Variants in MYO10 observed in about 807,000 individuals in gnomAD.
The protein encoded by MYO10 is myosin X.
A neutral mutation model predicts 257.3 loss-of-function variants in MYO10; 133 were observed. The ratio of observed to expected loss-of-function variants is 0.52; its 90% CI spans 0.45 to 0.60. The LOEUF (loss-of-function observed/expected upper bound fraction) is 0.60, where lower values mean the gene tolerates loss of function less well. MYO10 is among the 20% of genes least tolerant of loss of function. The pLI, the probability that MYO10 is intolerant of heterozygous loss-of-function variation, is 0.00. For synonymous variants in MYO10, 1,104 were observed against 1,028.6 expected (o/e 1.07, Z -1.40); for missense variants, 2,399 against 2,635.7 (o/e 0.91, Z 1.97).
chr5:16,809,248 ATC>A (rs529579072), intron 3 of MYO10, among the ~76,000 whole-genome samples: 2 of 151,846 alleles, frequency 1.3e-5, no homozygotes, highest in Non-Finnish European at 2.9e-5. Context: ...CACTGCGTTC[ATC>A]TGTCCCAAGG....
At chr5:16,838,777 T>C (rs62369354) in intron 2 of MYO10, among the ~76,000 whole-genome samples, 2 of 152,176 alleles carry the variant, frequency 1.3e-5, no homozygotes, top group African/African-American at 4.8e-5. Flanking sequence ...TTAATGCAAA[T>C]GAGGACTTTA....
At chr5:16,741,334 G>A (rs772443974) in intron 19 of MYO10, among the ~76,000 whole-genome samples, 7 of 152,102 alleles carry the variant, frequency 4.6e-5, no homozygotes, top group Non-Finnish European at 1.0e-4. Context: ...CCATACTTGC[G>A]TATGAACAGG....
intron 1 of MYO10, among the ~76,000 whole-genome samples, chr5:16,903,376 T>C (rs1745439022): frequency 6.6e-6 from 1 of 152,124 alleles, no homozygotes. Context: ...GCCATTGCAC[T>C]CCAGCCTGGC....
At chr5:16,761,024 C>T (rs1335077476) in intron 17 of MYO10, among the ~76,000 whole-genome samples, 1 of 151,842 alleles carries the variant, frequency 6.6e-6, no homozygotes, top group Non-Finnish European at 1.5e-5. Flanking sequence ...GAGTTTCACT[C>T]TTGTCACCCA....
Position 16,822,710 on chromosome 5 carries a change from C to T in MYO10, c.121-4543G>A, listed in dbSNP as rs1439865660. Among the ~76,000 whole-genome samples, 6 of 143,550 alleles carry T rather than the reference C, an allele frequency of 4.2e-5. No individual in the cohort carries two copies. In the East Asian group the frequency reaches 6.1e-4, roughly 15 times the overall value. The allele number at this position is 143,550 out of a possible 152,430, so 94.2% of individuals were successfully genotyped here. The stretch of plus-strand genomic sequence containing the variant: ...TTTTTATTTTTTTTTTTTTTTGAGA[C>T]GGAGTCTCCCTCTGTCGCCCAGGCT... On this transcript the variant is annotated intron_variant, in intron 2 of 40. Transcript: ENST00000513610.
At chr5:16,819,169 A>C (rs999453886) in intron 2 of MYO10, among the ~76,000 whole-genome samples, 2 of 152,232 alleles carry the variant, frequency 1.3e-5, no homozygotes, top group Admixed American at 6.5e-5. Context: ...CTCTCTCGGC[A>C]GAACAAATGC....
At chr5:16,889,510 G>GGAAA (rs1744988196) in intron 1 of MYO10, among the ~76,000 whole-genome samples, 1 of 138,296 alleles carries the variant, frequency 7.2e-6, no homozygotes, top group Non-Finnish European at 1.5e-5. Context: ...AAGGAAGGAA[G>GGAAA]GAAGGAAGGA....
chr5:16,829,886 TACAC>T (rs138178405), intron 2 of MYO10, among the ~76,000 whole-genome samples: 9 of 150,874 alleles, frequency 6.0e-5, no homozygotes, highest in Non-Finnish European at 1.2e-4. Flanking sequence ...GAACGGCTAA[TACAC>T]ACACACACAC....
intron 4 of MYO10, among the ~76,000 whole-genome samples, chr5:16,790,645 C>T (rs988583499): frequency 4.6e-5 from 7 of 152,168 alleles, no homozygotes; most frequent in Non-Finnish European, 1.0e-4. Context: ...CCTTGCCTTC[C>T]ACCATGATTG....
chr5:16,815,580 G>A (rs944939248), intron 3 of MYO10: 16 of 634,862 alleles, frequency 2.5e-5, no homozygotes, highest in East Asian at 5.5e-5. Context: ...ACAACTACCA[G>A]GTGCCTGGCA....
intron 9 of MYO10, among the ~76,000 whole-genome samples, chr5:16,776,969 G>GA (rs1741231514): frequency 2.0e-5 from 3 of 151,694 alleles, no homozygotes; most frequent in African/African-American, 2.4e-5. Context: ...AATAAAATAG[G>GA]AAAAAAGCCA....
chr5:16,672,563 C>T, intron 37 of MYO10, 126 bp downstream of exon 37: 1 of 1,115,524 alleles, frequency 9.0e-7, no homozygotes, highest in Middle Eastern at 2.0e-4. Flanking sequence ...GGCATCAACA[C>T]AGGTAAAATA....
At chr5:16,901,621 A>T (rs1486805923) in intron 1 of MYO10, among the ~76,000 whole-genome samples, 1 of 152,198 alleles carries the variant, frequency 6.6e-6, no homozygotes, top group East Asian at 1.9e-4. Context: ...TACAGTTCCC[A>T]TTTATAGAAA....
At chr5:16,686,336 A>C (rs1425152290) in intron 28 of MYO10, among the ~76,000 whole-genome samples, 5 of 152,196 alleles carry the variant, frequency 3.3e-5, no homozygotes, top group Non-Finnish European at 7.3e-5. Context: ...CAAAATTCAA[A>C]ACTTTTTGAG....
chr5:16,818,410 G>GTATATATATATATATATA (rs1178796616), intron 2 of MYO10, among the ~76,000 whole-genome samples: 1 of 90,298 alleles, frequency 1.1e-5, no homozygotes, highest in Non-Finnish European at 2.3e-5. Context: ...GTGTGTGTGT[G>GTATATATATATATATATA]TATATATATA....
intron 11 of MYO10, 26 bp downstream of exon 11, chr5:16,766,054 A>T: frequency 6.5e-7 from 1 of 1,544,182 alleles, no homozygotes; most frequent in Non-Finnish European, 9.0e-7. Context: ...CTAGTAACGC[A>T]AGATCAGATG....
chr5:16,674,906 G>A lies in MYO10; in HGVS notation c.4911C>T (p.Cys1637=), dbSNP rs2126476546. ...YSWQILTCLS[C]TFLPSRGILK... Reference sequence around the variant, plus strand: ...GAATCCCTCGACTCGGCAGGAAGGTGCAGCTCAGGCATGTCAGGATCTGCC... The same window carrying A: ...GAATCCCTCGACTCGGCAGGAAGGTACAGCTCAGGCATGTCAGGATCTGCC... The change falls in exon 35 of 41, where the codon TGC becomes TGT. Residue 1637 remains cysteine (C), a synonymous_variant. Transcript: ENST00000513610. 4 of 1,614,024 alleles carry A rather than the reference G, an allele frequency of 2.5e-6. No individual in the cohort carries two copies. The highest frequency in any genetic ancestry group is 2.7e-5 in the African/African-American group (2 of 75,058).
intron 30 of MYO10, among the ~76,000 whole-genome samples, chr5:16,683,672 C>G (rs1737110241): frequency 6.6e-6 from 1 of 152,076 alleles, no homozygotes; most frequent in Non-Finnish European, 1.5e-5. Context: ...CCCCAGGACT[C>G]CAAAGATACC....
intron 21 of MYO10, among the ~76,000 whole-genome samples, chr5:16,705,481 T>C (rs1235522042): frequency 2.6e-5 from 4 of 152,256 alleles, no homozygotes; most frequent in African/African-American, 9.6e-5. Context: ...GGACCTTCTC[T>C]TGATAAAGTG....
Sources: allele counts gnomAD v4.1 joint callset (sites outside exome capture counted in the v4.1 genomes callset), GRCh38; gene constraint gnomAD v4.1.1; transcripts MANE v1.5; gene names NCBI Gene and HGNC (gene_info 2026-07-23, HGNC 2026-07-21).